ODAD2: variants seen among roughly 807,000 people sequenced by gnomAD.
The protein encoded by ODAD2 is outer dynein arm-docking complex subunit 2.
Under a neutral mutation model 106.8 loss-of-function variants are expected in ODAD2, and 89 were observed. The ratio of observed to expected loss-of-function variants is 0.83; its 90% confidence interval spans 0.70 to 0.99. The LOEUF (loss-of-function observed/expected upper bound fraction) is 0.99. ODAD2 is among the 50% of genes least tolerant of loss of function. ODAD2 has a pLI of 0.00. For missense variants in ODAD2, 1,168 were observed against 1,238.5 expected, an observed-to-expected ratio of 0.94 and a Z score of 0.85; for synonymous variants, 404 against 436.2, an observed-to-expected ratio of 0.93 and a Z score of 0.92.
At chr10:27,882,225 G>GAAAA (rs1554799101) in intron 17 of ODAD2, among the ~76,000 whole-genome samples, 1 of 150,840 alleles carries the variant, frequency 6.6e-6, no homozygotes, top group Non-Finnish European at 1.5e-5. Flanking sequence ...AAGAAAGAAA[G>GAAAA]AAAGAAAGAA....
chr10:27,899,053 C>T (rs569367307), intron 17 of ODAD2, among the ~76,000 whole-genome samples: 1 of 152,198 alleles, frequency 6.6e-6, no homozygotes, highest in Admixed American at 6.5e-5. Context: ...TGGTCTGCAG[C>T]TCCCAGTGAG....
chr10:27,995,027 T>A lies in ODAD2; in HGVS notation c.116A>T (p.Glu39Val), dbSNP rs1850471678. Residue 39 changes from glutamate (E) to valine (V), a missense_variant, in exon 2 of 20, where the codon GAG becomes GTG. This residue lies in a region of ODAD2 where 430 missense variants were observed against 452.2 expected (regional missense o/e 0.95). Transcript: ENST00000305242. The stretch of plus-strand genomic sequence containing the variant: ...TTGAGGATGTTTATAGATAAAACTC[T>A]CCACAAACACAATAATTTCTTTCAA... ...AILKEIIVFV[E>V]SFIYKHPQEA... The A allele has an allele frequency of 1.2e-6, 2 of 1,614,046 alleles. No homozygotes were observed. Among genetic ancestry groups the A allele is most frequent in the African/African-American group, 1.3e-5 (1 of 74,918 alleles).
rs796946401 is a variant in ODAD2 at position 27,989,180 on chromosome 10, C to T, written c.225-1637G>A. The stretch of plus-strand genomic sequence containing the variant: ...TGACCTCTAGAACTGTAAGATAATA[C>T]ATTTGTGTGTGTTAAGCCATTAGGT... On this transcript the variant is annotated intron_variant, in intron 2 of 19. Coordinates refer to ENST00000305242, the MANE Select transcript of ODAD2 (RefSeq NM_018076.5). 1.1e-4 allele frequency among the ~76,000 whole-genome samples: 17 copies of T among 152,250 alleles called. No homozygotes were observed. The East Asian group carries it at 2.9e-3, about 26-fold the overall frequency.
intron 10 of ODAD2, among the ~76,000 whole-genome samples, chr10:27,958,243 T>C (rs1847869703): frequency 6.6e-6 from 1 of 152,222 alleles, no homozygotes; most frequent in Non-Finnish European, 1.5e-5. Flanking sequence ...ACTTCATCAA[T>C]ATATGTTTTC....
At chr10:27,833,318 T>C (rs756801205) in intron 19 of ODAD2, among the ~76,000 whole-genome samples, 32 of 152,002 alleles carry the variant, frequency 2.1e-4, no homozygotes, top group African/African-American at 7.5e-4. Flanking sequence ...CACCCGGCAA[T>C]AGTCGTACTT....
chr10:27,861,696 C>T (rs542718537), intron 18 of ODAD2, among the ~76,000 whole-genome samples: 30 of 152,290 alleles, frequency 2.0e-4, no homozygotes, highest in Non-Finnish European at 3.4e-4. Flanking sequence ...TTGATGCAGA[C>T]GATATCCTTC....
chr10:27,879,993 C>T (rs976088445), intron 17 of ODAD2, among the ~76,000 whole-genome samples: 3 of 152,078 alleles, frequency 2.0e-5, no homozygotes, highest in Non-Finnish European at 2.9e-5. Flanking sequence ...AGATGTGGTC[C>T]GACAAGAGCA....
rs1846341595 is a variant in ODAD2, at chr10:27,940,631, G to C, written c.1918C>G (p.Leu640Val). The change falls in exon 13 of 20, where the codon CTG becomes GTG. Residue 640 changes from leucine (L) to valine (V), a missense_variant. Leu to Val is a conservative substitution (Grantham distance 32). This residue lies in a region of ODAD2 where 701 missense variants were observed against 712.3 expected (regional missense o/e 0.98). Transcript: ENST00000305242. Reference sequence around the variant, plus strand: ...ATGTTTTCATGAGAAGTCTTCAGCAGCCGAGCCAACAGAGGAATGCCCCCA... The same window carrying C: ...ATGTTTTCATGAGAAGTCTTCAGCACCCGAGCCAACAGAGGAATGCCCCCA... ...KAGGIPLLARLLKTSHENMLI... is the reference protein window; with the variant it reads ...KAGGIPLLARVLKTSHENMLI... 1 of 1,614,032 alleles carries C rather than the reference G, an allele frequency of 6.2e-7. No individual in the cohort carries two copies. The highest frequency in any genetic ancestry group is 1.3e-5 in the African/African-American group (1 of 74,934).
At chr10:27,850,253 TG>T (rs1172841561) in intron 19 of ODAD2, among the ~76,000 whole-genome samples, 1 of 152,042 alleles carries the variant, frequency 6.6e-6, no homozygotes, top group African/African-American at 2.4e-5. Flanking sequence ...GAGACCAGCC[TG>T]GCCAACATGG....
At chr10:27,887,640 C>A (rs909341577) in intron 17 of ODAD2, among the ~76,000 whole-genome samples, 1 of 151,592 alleles carries the variant, frequency 6.6e-6, no homozygotes, top group Non-Finnish European at 1.5e-5. Context: ...CTTCTGAACA[C>A]AATGGAATAA....
chr10:27,830,628 C>G (rs1228397474), intron 19 of ODAD2, among the ~76,000 whole-genome samples: 1 of 152,140 alleles, frequency 6.6e-6, no homozygotes, highest in Admixed American at 6.5e-5. Flanking sequence ...CCATTGGGGG[C>G]CCCCTAAAAT....
chr10:27,962,590 C>G (rs1232714939), intron 9 of ODAD2, among the ~76,000 whole-genome samples: 1 of 152,220 alleles, frequency 6.6e-6, no homozygotes, highest in East Asian at 1.9e-4. Flanking sequence ...AAAGAGTTAA[C>G]CACCAACTCT....
At chr10:27,942,513 T>C (rs1195926878) in intron 12 of ODAD2, among the ~76,000 whole-genome samples, 2 of 152,204 alleles carry the variant, frequency 1.3e-5, no homozygotes, top group African/African-American at 4.8e-5. Flanking sequence ...GTTGATGATA[T>C]TGAATGAAGA....
chr10:27,836,471 C>G (rs184086432), intron 19 of ODAD2, among the ~76,000 whole-genome samples: 60 of 152,264 alleles, frequency 3.9e-4, no homozygotes, highest in Admixed American at 3.7e-3. Context: ...GGACATCTTC[C>G]TAAATTATAC....
chr10:27,913,759 A>T (rs1193133437), intron 16 of ODAD2, among the ~76,000 whole-genome samples: 1 of 152,194 alleles, frequency 6.6e-6, no homozygotes, highest in Non-Finnish European at 1.5e-5. Flanking sequence ...TCATTAGAGA[A>T]CTGCAAATCA....
chr10:27,994,852 C>T, intron 2 of ODAD2, 67 bp downstream of exon 2: 8 of 1,549,450 alleles, frequency 5.2e-6, no homozygotes, highest in Non-Finnish European at 7.0e-6. Flanking sequence ...GCCCCCAAAC[C>T]TAGAACCAAT....
intron 17 of ODAD2, among the ~76,000 whole-genome samples, chr10:27,901,494 C>T (rs927614010): frequency 2.0e-5 from 3 of 152,086 alleles, no homozygotes; most frequent in East Asian, 1.9e-4. Context: ...GGGCTAAATG[C>T]CCCAATTAAA....
At chr10:27,947,439 T>C (rs537184643) in intron 10 of ODAD2, among the ~76,000 whole-genome samples, 3 of 152,284 alleles carry the variant, frequency 2.0e-5, no homozygotes, top group Middle Eastern at 3.4e-3. Context: ...CTCTCCAGCA[T>C]GGGCAACAGA....
At chr10:27,900,310 A>T (rs1347873093) in intron 17 of ODAD2, among the ~76,000 whole-genome samples, 2 of 152,208 alleles carry the variant, frequency 1.3e-5, no homozygotes, top group African/African-American at 4.8e-5. Context: ...CCCCATCTGA[A>T]GGTCACCAAC....
Sources: gnomAD v4.1 joint callset for allele counts (sites outside exome capture counted in the v4.1 genomes callset) on GRCh38, gnomAD v4.1.1 for gene constraint, gnomAD v4.1.1 regional missense constraint, MANE v1.5 for transcripts, NCBI Gene and HGNC (gene_info 2026-07-23, HGNC 2026-07-21) for gene names.